Variants in DLGAP4 observed in about 807,000 individuals in gnomAD.
DLGAP4 encodes the protein DLG associated protein 4.
A neutral mutation model predicts 86.9 loss-of-function variants in DLGAP4; 18 were observed. That is an observed-to-expected ratio of 0.21 (90% CI 0.14 to 0.31). The LOEUF is 0.31. DLGAP4 is among the 10% of genes least tolerant of loss of function. The pLI, the probability that DLGAP4 is intolerant of heterozygous loss-of-function variation, is 1.00. For missense variants in DLGAP4, 1,085 were observed against 1,362.6 expected, an observed-to-expected ratio of 0.80 and a Z score of 3.21; for synonymous variants, 548 against 574.3, an observed-to-expected ratio of 0.95 and a Z score of 0.65.
At chr20:36,389,517 A>C (rs1014913233) in intron 2 of DLGAP4, among the ~76,000 whole-genome samples, 11 of 152,218 alleles carry the variant, frequency 7.2e-5, no homozygotes, top group Admixed American at 6.5e-4. Flanking sequence ...GACCTGTTGC[A>C]CGCTAAGCAC....
chr20:36,379,880 A>G (rs1252068879), intron 2 of DLGAP4, among the ~76,000 whole-genome samples: 1 of 152,196 alleles, frequency 6.6e-6, no homozygotes, highest in Non-Finnish European at 1.5e-5. Context: ...CCAGAAGATT[A>G]TTATTCTTAT....
rs1295968028 is a variant in DLGAP4 at position 36,436,133 on chromosome 20, A to T, written c.1024A>T (p.Ser342Cys). 2.5e-6 allele frequency: 4 copies of T among 1,585,524 alleles called. No homozygotes were observed. Among genetic ancestry groups the T allele is most frequent in the Middle Eastern group, 2.2e-4 (1 of 4,588 alleles). ...LQVPGGGGEW[S>C]TTLLSPRETD... ...GGTGCCCGGCGGCGGCGGCGAGTGGAGCACCACGCTGCTGTCCCCACGCGA... is the reference window on the plus strand; with the variant it reads ...GGTGCCCGGCGGCGGCGGCGAGTGGTGCACCACGCTGCTGTCCCCACGCGA... The change falls in exon 4 of 13, where the codon AGC becomes TGC. Residue 342 changes from serine to cysteine, a missense_variant. Coordinates refer to ENST00000339266, the MANE Select transcript of DLGAP4 (RefSeq NM_001365621.2).
chr20:36,514,139 G>A (rs759048045), intron 10 of DLGAP4, among the ~76,000 whole-genome samples: 4 of 137,386 alleles, frequency 2.9e-5, no homozygotes, highest in South Asian at 2.3e-4. Context: ...GCAATTGGAA[G>A]CCACCTGAAC....
chr20:36,410,142 C>T (rs6017576), intron 2 of DLGAP4, among the ~76,000 whole-genome samples: 1,565 of 152,080 alleles, frequency 0.01, 31 homozygotes, highest in African/African-American at 0.036. Flanking sequence ...GAATAAAATT[C>T]TTGGACCCCT....
intron 6 of DLGAP4, among the ~76,000 whole-genome samples, chr20:36,445,873 A>G (rs151228088): frequency 2.0e-5 from 3 of 152,130 alleles, no homozygotes; most frequent in African/African-American, 7.2e-5. Flanking sequence ...CCCTTCCAGA[A>G]CCCTCAAAGA....
intron 7 of DLGAP4, among the ~76,000 whole-genome samples, chr20:36,468,757 A>G (rs2034529944): frequency 6.6e-6 from 1 of 152,258 alleles, no homozygotes; most frequent in Non-Finnish European, 1.5e-5. Flanking sequence ...AAATCTGGAC[A>G]AAGGTTTTGA....
intron 7 of DLGAP4, among the ~76,000 whole-genome samples, chr20:36,453,661 G>A (rs1008094541): frequency 1.1e-4 from 17 of 151,622 alleles, no homozygotes; most frequent in Admixed American, 7.2e-4. Context: ...GGCTGGGCAC[G>A]GTGGGTCACA....
chr20:36,379,718 G>C (rs2031301749), intron 2 of DLGAP4, among the ~76,000 whole-genome samples: 1 of 152,226 alleles, frequency 6.6e-6, no homozygotes, highest in South Asian at 2.1e-4. Flanking sequence ...ATTCGGCCCA[G>C]TGGCCAATTC....
intron 7 of DLGAP4, among the ~76,000 whole-genome samples, chr20:36,481,274 A>G (rs929204577): frequency 1.3e-5 from 2 of 152,102 alleles, no homozygotes; most frequent in Non-Finnish European, 2.9e-5. Flanking sequence ...ACTTCCATTA[A>G]CAATCCCCAC....
intron 11 of DLGAP4, among the ~76,000 whole-genome samples, chr20:36,524,746 T>C (rs2037601639): frequency 6.6e-6 from 1 of 151,132 alleles, no homozygotes; most frequent in Non-Finnish European, 1.5e-5. Flanking sequence ...CTACTAAAAA[T>C]ACAAAATTAG....
chr20:36,329,997 C>G (rs1555891365), intron 1 of DLGAP4, among the ~76,000 whole-genome samples: 2 of 147,838 alleles, frequency 1.4e-5, no homozygotes, highest in Admixed American at 6.8e-5. Flanking sequence ...ACACTCCAGC[C>G]TGGGTGACAG....
chr20:36,524,127 A>G, intron 10 of DLGAP4, 123 bp from the exon 11 acceptor site: 1 of 769,018 alleles, frequency 1.3e-6, no homozygotes, highest in Non-Finnish European at 2.3e-6. Context: ...AATGAAGACC[A>G]CCGCCATCAT....
At chr20:36,503,226 A>G (rs984165078) in intron 10 of DLGAP4, among the ~76,000 whole-genome samples, 2 of 152,024 alleles carry the variant, frequency 1.3e-5, no homozygotes, top group African/African-American at 4.8e-5. Flanking sequence ...GGCTTTACTG[A>G]GATATAATTC....
chr20:36,372,622 T>C (rs1221242581), intron 2 of DLGAP4, among the ~76,000 whole-genome samples: 1 of 151,342 alleles, frequency 6.6e-6, no homozygotes, highest in East Asian at 1.9e-4. Flanking sequence ...CAACGTACAC[T>C]CGTGAAGTCA....
In DLGAP4 at chr20:36,431,492, G is replaced by A. The variant is rs1280508848; in HGVS notation, c.-72-154G>A. Among the ~76,000 whole-genome samples the A allele has an allele frequency of 2.6e-5, 4 of 152,096 alleles. No homozygotes were observed. Among genetic ancestry groups the A allele is most frequent in the African/African-American group, 4.8e-5 (2 of 41,400 alleles). ...TAACTTTTATTTATACACAGAGTAC[G>A]TGGGCCTCGGTGTGTACTCCTGTCC... On this transcript the variant is annotated intron_variant, in intron 2 of 12. Transcript: ENST00000339266. The surrounding 1 kb of genome is among the most constrained non-coding windows in gnomAD (Gnocchi z 5.1).
chr20:36,450,039 C>T (rs2033695016), intron 7 of DLGAP4, among the ~76,000 whole-genome samples: 1 of 152,244 alleles, frequency 6.6e-6, no homozygotes, highest in Non-Finnish European at 1.5e-5. Context: ...ACTAACCAAA[C>T]AAGCACATTT....
At chr20:36,522,740 A>G (rs1201691939) in intron 10 of DLGAP4, among the ~76,000 whole-genome samples, 1 of 151,902 alleles carries the variant, frequency 6.6e-6, no homozygotes, top group Non-Finnish European at 1.5e-5. Context: ...CTGGTCTCGA[A>G]TTCCTGACCT....
At chr20:36,395,996 T>C (rs1287481748) in intron 2 of DLGAP4, among the ~76,000 whole-genome samples, 1 of 152,098 alleles carries the variant, frequency 6.6e-6, no homozygotes, top group African/African-American at 2.4e-5. Context: ...GGCCCAGGCC[T>C]GCCTGGTCCC....
intron 2 of DLGAP4, among the ~76,000 whole-genome samples, chr20:36,405,881 G>A (rs2032303654): frequency 6.6e-6 from 1 of 152,164 alleles, no homozygotes; most frequent in Admixed American, 6.5e-5. Context: ...TGGTCCCCAA[G>A]AGCAGGGCCC....
Sources: gnomAD v4.1 joint callset for allele counts (sites outside exome capture counted in the v4.1 genomes callset) on GRCh38, gnomAD v4.1.1 for gene constraint, Gnocchi (gnomAD v3.1) non-coding constraint, MANE v1.5 for transcripts, NCBI Gene and HGNC (gene_info 2026-07-23, HGNC 2026-07-21) for gene names.